NFASC: variants seen among roughly 807,000 people sequenced by gnomAD.
NFASC encodes neurofascin.
A neutral mutation model predicts 147.5 loss-of-function variants in NFASC; 43 were observed. That is an observed-to-expected ratio of 0.29 (90% CI 0.23 to 0.38). The LOEUF is 0.38. Ranked by LOEUF, NFASC falls within the 10% of genes least tolerant of loss-of-function variation. The pLI is 1.00. For synonymous variants in NFASC, 622 were observed against 665.5 expected (o/e 0.93, Z 1.01); for missense variants, 1,320 against 1,689.0 (o/e 0.78, Z 3.83).
chr1:204,937,688 T>C (rs61817568), intron 2 of NFASC, among the ~76,000 whole-genome samples: 26,050 of 152,188 alleles, frequency 0.17, 3,041 homozygotes, highest in African/African-American at 0.33. Context: ...CTCCATCCGC[T>C]GATGGGAGAA....
intron 3 of NFASC, among the ~76,000 whole-genome samples, chr1:204,945,810 G>T (rs1251490406): frequency 1.3e-5 from 2 of 152,190 alleles, no homozygotes; most frequent in African/African-American, 4.8e-5. Context: ...GTCTAATAAG[G>T]AGCCTGGTAA....
intron 1 of NFASC, among the ~76,000 whole-genome samples, chr1:204,891,106 G>A (rs2082306788): frequency 6.6e-6 from 1 of 152,224 alleles, no homozygotes; most frequent in Admixed American, 6.5e-5. Flanking sequence ...TCTCTTCCCT[G>A]ATTGGGTCCT....
intron 7 of NFASC, among the ~76,000 whole-genome samples, chr1:204,956,603 T>C (rs2094444074): frequency 6.6e-6 from 1 of 152,236 alleles, no homozygotes; most frequent in Admixed American, 6.5e-5. Flanking sequence ...ATTTATCTGC[T>C]GCCTCTTCTA....
intron 3 of NFASC, chr1:204,946,230 AGAAACCACTG>A (rs1289947239): frequency 6.8e-6 from 3 of 441,762 alleles, no homozygotes; most frequent in South Asian, 3.1e-5. Flanking sequence ...GAAACAAAAA[AGAAACCACTG>A]GAATCGCAGG....
At chr1:204,949,613 C>T (rs1324472262) in intron 3 of NFASC, among the ~76,000 whole-genome samples, 1 of 152,232 alleles carries the variant, frequency 6.6e-6, no homozygotes, top group Non-Finnish European at 1.5e-5. Flanking sequence ...AAAAGCACAC[C>T]ATCTAAAACC....
chr1:204,963,592 A>C (rs1265776548), intron 8 of NFASC, among the ~76,000 whole-genome samples: 1 of 152,218 alleles, frequency 6.6e-6, no homozygotes, highest in Non-Finnish European at 1.5e-5. Context: ...CAAGAGAATG[A>C]GTGGGACTTA....
intron 20 of NFASC, among the ~76,000 whole-genome samples, chr1:204,981,551 G>A (rs2095509230): frequency 1.3e-5 from 2 of 152,276 alleles, no homozygotes; most frequent in Admixed American, 6.5e-5. Flanking sequence ...GGCTCTCAGA[G>A]TCAGAGTAAC....
At position 204,968,784 on chromosome 1, in the gene NFASC, G is replaced by T. The variant is rs777986001; in HGVS notation, c.819-14G>T. ...TTTAGTGATAACTTGTTTCCTGCTT[G>T]GCGCCTCTCCTAGCCCAACACCAGA... On this transcript the variant is annotated splice_polypyrimidine_tract_variant and intron_variant, in intron 9 of 29. Coordinates refer to ENST00000339876, the MANE Select transcript of NFASC (RefSeq NM_001005388.3). This position sits in a 1 kb window ranked among gnomAD's most constrained non-coding sequence, Gnocchi z 5.4. The T allele has an allele frequency of 6.2e-7, 1 of 1,606,938 alleles. No individual in the cohort carries two copies. The highest frequency in any genetic ancestry group is 1.3e-5 in the African/African-American group (1 of 74,850).
intron 21 of NFASC, among the ~76,000 whole-genome samples, chr1:204,983,706 C>T (rs1017650078): frequency 6.6e-6 from 1 of 152,164 alleles, no homozygotes; most frequent in Admixed American, 6.5e-5. Flanking sequence ...CCAGCGAGGG[C>T]AGCCCCCCAG....
chr1:204,927,918 G>A (rs995579420), intron 2 of NFASC, among the ~76,000 whole-genome samples: 1 of 152,228 alleles, frequency 6.6e-6, no homozygotes, highest in Admixed American at 6.5e-5. Context: ...AGGGAGCCAA[G>A]GCAAGTGAGA....
chr1:204,960,130 G>T (rs1366320401), intron 8 of NFASC, among the ~76,000 whole-genome samples: 1 of 152,206 alleles, frequency 6.6e-6, no homozygotes, highest in Non-Finnish European at 1.5e-5. Flanking sequence ...TCAGAACCAG[G>T]TCTGGGGTGG....
In NFASC at chr1:204,968,888, C is replaced by T. The variant is rs146782515; in HGVS notation, c.909C>T (p.Ile303=). The change falls in exon 10 of 30, where the codon ATC becomes ATT. Residue 303 remains isoleucine (I), a synonymous_variant. Transcript: ENST00000339876. This position sits in a 1 kb window ranked among gnomAD's most constrained non-coding sequence, Gnocchi z 5.4. ...AGAACTTTAATAAGGCCCTGCGTAT[C>T]ACAAATGTCTCTGAGGAAGACTCCG... ...KFENFNKALR[I]TNVSEEDSGE... is the part of the protein sequence containing the mutation. The T allele has an allele frequency of 6.2e-7, 1 of 1,613,904 alleles. No individual in the cohort carries two copies. Among genetic ancestry groups the T allele is most frequent in the East Asian group, 2.2e-5 (1 of 44,884 alleles).
intron 1 of NFASC, among the ~76,000 whole-genome samples, chr1:204,877,090 T>C (rs896252833): frequency 3.3e-5 from 4 of 119,542 alleles, no homozygotes; most frequent in Non-Finnish European, 1.7e-5. Context: ...AATATATTTA[T>C]TTATATATTT....
rs1344880470 is a variant in NFASC at position 204,877,017 on chromosome 1, TATATATATATAATA to T, written c.-199-43614_-199-43601del. Among the ~76,000 whole-genome samples, 793 of 110,610 alleles carry T rather than the reference TATATATATATAATA, an allele frequency of 7.2e-3. 31 individuals carry two copies. The highest frequency in any genetic ancestry group is 0.01 in the Non-Finnish European group (653 of 62,368). The allele number at this position is 110,610 out of a possible 152,430, so 72.6% of individuals were successfully genotyped here. A position where few individuals can be genotyped will look rare whatever the true frequency, so the allele number is the denominator to read the frequency against. ...ATATGTATATATATATATATATATA[TATATATATATAATA>T]TATATTTATATATATATAATATATT... is the stretch of plus-strand genomic sequence containing the variant. On this transcript the variant is annotated intron_variant, in intron 1 of 29. Transcript: ENST00000339876.
In NFASC at chr1:204,974,275, T is replaced by C; in HGVS notation, c.1376T>C (p.Ile459Thr). Residue 459 changes from isoleucine (I) to threonine (T), a missense_variant, in exon 13 of 30, where the codon ATC becomes ACC. This residue lies in a region of NFASC where 981 missense variants were observed against 1,289.5 expected (regional missense o/e 0.76). Coordinates refer to ENST00000339876, the MANE Select transcript of NFASC (RefSeq NM_001005388.3). ...GACTGCCCTTTCTTTGGGTCTCCCA[T>C]CCCCACACTGCGATGGTAAGTTCCA... ...RLDCPFFGSPIPTLRWFKNGQ... is the reference protein window; with the variant it reads ...RLDCPFFGSPTPTLRWFKNGQ... 6.2e-7 allele frequency: 1 copy of C among 1,613,614 alleles called. No individual in the cohort carries two copies. Among genetic ancestry groups the C allele is most frequent in the African/African-American group, 1.3e-5 (1 of 75,030 alleles).
chr1:204,973,259 C>G lies in NFASC; in HGVS notation c.1136-17C>G, dbSNP rs550561372. The G allele has an allele frequency of 5.0e-6, 8 of 1,613,820 alleles. No individual in the cohort carries two copies. In the South Asian group the frequency reaches 8.8e-5, roughly 18 times the overall value. ...CCTCCCCATCTCTCATGAGGAGCGT[C>G]TCTTTCTTGTCTGTAGCGGCACCAC... On this transcript the variant is annotated splice_polypyrimidine_tract_variant and intron_variant, in intron 11 of 29. Coordinates refer to ENST00000339876, the MANE Select transcript of NFASC (RefSeq NM_001005388.3).
chr1:204,998,568 G>A (rs2095900194), intron 25 of NFASC: 1 of 152,226 alleles, frequency 6.6e-6, no homozygotes, highest in Admixed American at 6.5e-5. Flanking sequence ...GTGAGCTCCT[G>A]AGACCCTGAA....
Position 204,950,579 on chromosome 1 carries a change from G to T in NFASC, c.109+5G>T. On this transcript the variant is annotated splice_donor_5th_base_variant and intron_variant, in intron 4 of 29. Transcript: ENST00000339876. ...CAGCAAGCATTCAGAATGAGCGTAA[G>T]TGCCCTGTGTGCCTCTCTGTGCCTC... The T allele has an allele frequency of 1.2e-6, 2 of 1,612,370 alleles. No homozygotes were observed. The highest frequency in any genetic ancestry group is 1.7e-6 in the Non-Finnish European group (2 of 1,179,138).
chr1:204,972,909 G>C (rs2095300585), intron 11 of NFASC, among the ~76,000 whole-genome samples: 1 of 152,226 alleles, frequency 6.6e-6, no homozygotes, highest in South Asian at 2.1e-4. Context: ...CCATTCTGCA[G>C]ACAAGGAAAC....
Sources: gnomAD v4.1 joint callset for allele counts (sites outside exome capture counted in the v4.1 genomes callset) on GRCh38, gnomAD v4.1.1 for gene constraint, gnomAD v4.1.1 regional missense constraint, Gnocchi (gnomAD v3.1) non-coding constraint, MANE v1.5 for transcripts, NCBI Gene and HGNC (gene_info 2026-07-23, HGNC 2026-07-21) for gene names.